CTSO: variants seen among roughly 807,000 people sequenced by gnomAD.
CTSO encodes the protein cathepsin O.
Under a neutral mutation model 42.4 loss-of-function variants are expected in CTSO, and 40 were observed. That is an observed-to-expected ratio of 0.94 (90% confidence interval 0.73 to 1.23). CTSO has a LOEUF of 1.23. CTSO is among the 50% of genes most tolerant of loss of function. The pLI, the probability that CTSO is intolerant of heterozygous loss-of-function variation, is 0.00. For missense variants in CTSO, 441 were observed against 396.0 expected (o/e 1.11, Z -0.96); for synonymous variants, 156 against 146.2 (o/e 1.07, Z -0.48).
At chr4:155,932,480 A>C (rs1291540037) in intron 5 of CTSO, among the ~76,000 whole-genome samples, 1 of 152,166 alleles carries the variant, frequency 6.6e-6, no homozygotes, top group Non-Finnish European at 1.5e-5. Flanking sequence ...ACCTTCACAC[A>C]TCCTAAGGCT....
intron 3 of CTSO, 37 bp from the exon 4 acceptor site, chr4:155,939,575 G>T (rs112071956): frequency 6.4e-7 from 1 of 1,560,186 alleles, no homozygotes; most frequent in South Asian, 1.2e-5. Flanking sequence ...TATTTCCAGG[G>T]TTTAAATCAA....
intron 4 of CTSO, among the ~76,000 whole-genome samples, chr4:155,937,797 G>T (rs977824538): frequency 2.0e-5 from 3 of 151,950 alleles, no homozygotes; most frequent in Admixed American, 6.6e-5. Context: ...TGTATTTTTT[G>T]TAAAGATGGG....
Position 155,942,368 on chromosome 4 carries a change from T to C in CTSO, c.333A>G (p.Arg111=). The change falls in exon 3 of 8, where the codon AGA becomes AGG. Residue 111 remains arginine, a synonymous_variant. Coordinates refer to ENST00000433477, the MANE Select transcript of CTSO (RefSeq NM_001334.3). ...MSIPNVSLPL[R]FDWRDKQVVT... Reference sequence around the variant, plus strand: ...CAACCTGCTTGTCCCTCCAGTCAAATCTTAACGGCAAAGACACATTGGGGA... The same window carrying C: ...CAACCTGCTTGTCCCTCCAGTCAAACCTTAACGGCAAAGACACATTGGGGA... 1 of 1,602,698 alleles carries C rather than the reference T, an allele frequency of 6.2e-7. No homozygotes were observed. Among genetic ancestry groups the C allele is most frequent in the Non-Finnish European group, 8.5e-7 (1 of 1,175,328 alleles).
rs534995371 is a variant in CTSO, at chr4:155,946,210, G to A, written c.136-2946C>T. Among the ~76,000 whole-genome samples the A allele has an allele frequency of 1.4e-3, 218 of 152,246 alleles. 1 individual carries two copies. The highest frequency in any genetic ancestry group is 4.0e-3 in the African/African-American group (166 of 41,564). On this transcript the variant is annotated intron_variant, in intron 1 of 7. Coordinates refer to ENST00000433477, the MANE Select transcript of CTSO (RefSeq NM_001334.3). The stretch of plus-strand genomic sequence containing the variant: ...AGAGAAACAATATATTGCCACTCAA[G>A]TTGGCAAATGCCAGATGAAACAAAC...
At chr4:155,946,244 C>T (rs575900922) in intron 1 of CTSO, among the ~76,000 whole-genome samples, 2 of 152,246 alleles carry the variant, frequency 1.3e-5, no homozygotes, top group Admixed American at 6.5e-5. Context: ...ACTTATACAT[C>T]GTTGGCAGGG....
intron 3 of CTSO, among the ~76,000 whole-genome samples, chr4:155,941,000 C>G (rs898762387): frequency 4.0e-5 from 6 of 151,720 alleles, no homozygotes; most frequent in Admixed American, 2.6e-4. Flanking sequence ...CTTCAATACA[C>G]TGTGGACAAT....
chr4:155,951,987 C>T (rs751457520), intron 1 of CTSO, among the ~76,000 whole-genome samples: 8 of 152,110 alleles, frequency 5.3e-5, no homozygotes, highest in Admixed American at 1.3e-4. Context: ...GGTAGAAAAT[C>T]GGTTTTAAAG....
In CTSO at chr4:155,940,269, G is replaced by A. The variant is rs891505125; in HGVS notation, c.385-731C>T. ...CTGAAAGAAAGAGAGGAGACAGAGG[G>A]AATGAAATTAGGGATCGTAGGATCA... is the stretch of plus-strand genomic sequence containing the variant. On this transcript the variant is annotated intron_variant, in intron 3 of 7. Coordinates refer to ENST00000433477, the MANE Select transcript of CTSO (RefSeq NM_001334.3). Among the ~76,000 whole-genome samples the A allele has an allele frequency of 5.9e-5, 9 of 152,170 alleles. No individual in the cohort carries two copies. The South Asian group carries it at 8.3e-4, about 14-fold the overall frequency.
chr4:155,942,839 T>C (rs1168165328), intron 2 of CTSO, among the ~76,000 whole-genome samples: 2 of 152,154 alleles, frequency 1.3e-5, no homozygotes, highest in African/African-American at 4.8e-5. Context: ...TCATTTGTTC[T>C]ATCATAACCC....
intron 1 of CTSO, among the ~76,000 whole-genome samples, chr4:155,943,600 T>C (rs563126998): frequency 4.6e-5 from 7 of 152,108 alleles, no homozygotes; most frequent in Non-Finnish European, 8.8e-5. Flanking sequence ...CACTAGATAC[T>C]AGAAGCAAAT....
In CTSO at chr4:155,943,166, T is replaced by C; in HGVS notation, c.234A>G (p.Glu78=). 6.2e-7 allele frequency: 1 copy of C among 1,604,972 alleles called. No individual in the cohort carries two copies. The highest frequency in any genetic ancestry group is 2.2e-5 in the East Asian group (1 of 44,694). The change falls in exon 2 of 8, where the codon GAA becomes GAG. Residue 78 remains glutamate (E), a synonymous_variant. Transcript: ENST00000433477. ...AACATCGGACTATACCTTTAAACTC[T>C]TCAGGAAACAAATAGGAAAACTGAT... is the stretch of plus-strand genomic sequence containing the variant. The part of the protein sequence containing the change: ...GINQFSYLFP[E]EFKAIYLRSK...
intron 6 of CTSO, 124 bp downstream of exon 6, chr4:155,929,418 T>A: frequency 1.1e-6 from 1 of 913,450 alleles, no homozygotes; most frequent in Non-Finnish European, 1.6e-6. Flanking sequence ...TGTTGAGAAG[T>A]TGTGAAGGTC....
intron 5 of CTSO, 91 bp from the exon 6 acceptor site, chr4:155,929,796 G>C: frequency 7.9e-7 from 1 of 1,266,092 alleles, no homozygotes; most frequent in Non-Finnish European, 1.1e-6. Context: ...TTCTGAGTAG[G>C]TTTGGTTGCA....
rs1190194008 is a variant in CTSO at position 155,924,757 on chromosome 4, G to A, written c.*1279C>T. On this transcript the variant is annotated 3_prime_UTR_variant, in exon 8 of 8. Coordinates refer to ENST00000433477, the MANE Select transcript of CTSO (RefSeq NM_001334.3). ...AAGAAATGGCTTTTTTCCTGTTGCA[G>A]GTCATGAGCAGCACACAGTGTCCTT... 3.3e-5 allele frequency: 5 copies of A among 152,170 alleles called. No individual in the cohort carries two copies. The highest frequency in any genetic ancestry group is 1.3e-4 in the Admixed American group (2 of 15,272). The allele number at this position is 152,170 out of a possible 1,614,324, so 9.4% of individuals were successfully genotyped here.
chr4:155,953,763 AG>A lies in CTSO; in HGVS notation c.84del (p.Phe29SerfsTer26). On this transcript the variant is annotated frameshift_variant, in exon 1 of 8. Coordinates refer to ENST00000433477, the MANE Select transcript of CTSO (RefSeq NM_001334.3). LOFTEE classifies it high-confidence loss of function. The part of the protein sequence containing the change: ...RGGGDADSRA[P>X]FTPTWPRSRE... Reference sequence around the variant, plus strand: ...CGGCTCCGCGGCCAGGTCGGGGTGAAGGGGGCGCGGGAGTCCGCATCGCCGC... The same window carrying A: ...CGGCTCCGCGGCCAGGTCGGGGTGAAGGGGCGCGGGAGTCCGCATCGCCGC... 7.6e-7 allele frequency: 1 copy of A among 1,320,406 alleles called. No individual in the cohort carries two copies. The highest frequency in any genetic ancestry group is 3.1e-5 in the East Asian group (1 of 32,366). 81.8% of individuals were successfully genotyped at this position (1,320,406 alleles called of 1,614,324 possible).
intron 2 of CTSO, 25 bp downstream of exon 2, chr4:155,943,130 AC>A: frequency 7.4e-7 from 1 of 1,357,592 alleles, no homozygotes; most frequent in Non-Finnish European, 1.0e-6. Context: ...TCAGGAAACC[AC>A]CTAAATAGCA....
At chr4:155,931,546 G>C (rs2110908475) in intron 5 of CTSO, among the ~76,000 whole-genome samples, 2 of 152,198 alleles carry the variant, frequency 1.3e-5, no homozygotes, top group South Asian at 4.1e-4. Context: ...TGTTCCATTT[G>C]GCCCCAGAAT....
At chr4:155,948,336 C>T (rs1743584766) in intron 1 of CTSO, among the ~76,000 whole-genome samples, 1 of 151,498 alleles carries the variant, frequency 6.6e-6, no homozygotes. Flanking sequence ...CTTCTAGCAG[C>T]CATCCTTCTA....
At chr4:155,946,461 C>T (rs1260144133) in intron 1 of CTSO, among the ~76,000 whole-genome samples, 2 of 152,114 alleles carry the variant, frequency 1.3e-5, no homozygotes, top group East Asian at 1.9e-4. Flanking sequence ...TGGTCTTGTG[C>T]CATGTGTTTG....
Sources: gnomAD v4.1 joint callset for allele counts (sites outside exome capture counted in the v4.1 genomes callset) on GRCh38, gnomAD v4.1.1 for gene constraint, MANE v1.5 for transcripts, NCBI Gene and HGNC (gene_info 2026-07-23, HGNC 2026-07-21) for gene names.